The following MECOM variants were observed in gnomAD, a reference collection of about 807,000 sequenced individuals.
The protein encoded by MECOM is MDS1 and EVI1 complex locus, also known as histone-lysine N-methyltransferase MECOM.
A neutral mutation model predicts 116.3 loss-of-function variants in MECOM; 13 were observed. The observed-to-expected ratio is 0.11, with a 90% CI of 0.07 to 0.18. The LOEUF is 0.18. MECOM is among the 10% of genes least tolerant of loss of function. The probability of loss-of-function intolerance (pLI) is 1.00; values close to 1 mark genes in which losing one functional copy is unlikely to be tolerated. For missense variants in MECOM, 1,299 were observed against 1,509.0 expected, an observed-to-expected ratio of 0.86 and a Z score of 2.31; for synonymous variants, 528 against 535.2, an observed-to-expected ratio of 0.99 and a Z score of 0.19.
chr3:169,172,129 A>C (rs989219694), intron 2 of MECOM, among the ~76,000 whole-genome samples: 1 of 147,438 alleles, frequency 6.8e-6, no homozygotes, highest in Non-Finnish European at 1.5e-5. Context: ...ATATGAAAAA[A>C]TACCAAAAAA....
chr3:169,209,770 T>C (rs1016555325), intron 2 of MECOM, among the ~76,000 whole-genome samples: 1 of 152,180 alleles, frequency 6.6e-6, no homozygotes, highest in Non-Finnish European at 1.5e-5. Flanking sequence ...TGTAAATTAG[T>C]GTAATCATCG....
At chr3:169,355,297 C>T (rs896576167) in intron 2 of MECOM, among the ~76,000 whole-genome samples, 9 of 151,934 alleles carry the variant, frequency 5.9e-5, no homozygotes, top group African/African-American at 2.2e-4. Flanking sequence ...TTTGCAAAAT[C>T]ACAGAACAGT....
At chr3:169,150,984 T>C (rs1483438285) in intron 2 of MECOM, among the ~76,000 whole-genome samples, 1 of 152,234 alleles carries the variant, frequency 6.6e-6, no homozygotes, top group African/African-American at 2.4e-5. Context: ...GGCCACTGGC[T>C]CTGCCTTCAT....
chr3:169,207,531 G>T (rs1750101248), intron 2 of MECOM, among the ~76,000 whole-genome samples: 1 of 152,112 alleles, frequency 6.6e-6, no homozygotes, highest in Admixed American at 6.6e-5. Flanking sequence ...TCAGAATCCT[G>T]GTGGTACAGG....
At chr3:169,212,682 A>G (rs1051828994) in intron 2 of MECOM, among the ~76,000 whole-genome samples, 2 of 128,118 alleles carry the variant, frequency 1.6e-5, no homozygotes, top group Non-Finnish European at 3.3e-5. Flanking sequence ...ATATATATAT[A>G]TATGCAACAA....
At chr3:169,237,739 A>G (rs1034997648) in intron 2 of MECOM, among the ~76,000 whole-genome samples, 8 of 152,166 alleles carry the variant, frequency 5.3e-5, no homozygotes, top group African/African-American at 1.9e-4. Flanking sequence ...GCAAAAATCT[A>G]AAGTAAATAT....
At chr3:169,642,930 A>G (rs1197603838) in intron 1 of MECOM, among the ~76,000 whole-genome samples, 1 of 152,176 alleles carries the variant, frequency 6.6e-6, no homozygotes, top group African/African-American at 2.4e-5. Context: ...TGAAATTATC[A>G]GGAGAATGAA....
At chr3:169,457,135 C>T (rs1223953733) in intron 1 of MECOM, among the ~76,000 whole-genome samples, 2 of 152,150 alleles carry the variant, frequency 1.3e-5, no homozygotes. Context: ...CAGCTAAAAC[C>T]AGCTCCCCTG....
intron 1 of MECOM, among the ~76,000 whole-genome samples, chr3:169,659,090 AAGAAAG>A (rs1775909703): frequency 3.3e-5 from 5 of 151,690 alleles, no homozygotes; most frequent in South Asian, 2.1e-4. Context: ...AAAAAAAAAA[AAGAAAG>A]AGAAAGAAAG....
chr3:169,285,730 G>T (rs745721348), intron 2 of MECOM, among the ~76,000 whole-genome samples: 1 of 152,130 alleles, frequency 6.6e-6, no homozygotes, highest in African/African-American at 2.4e-5. Context: ...TGCACAATCC[G>T]TAACAAAGTC....
At chr3:169,520,982 G>A (rs781706707) in intron 1 of MECOM, among the ~76,000 whole-genome samples, 4 of 152,168 alleles carry the variant, frequency 2.6e-5, no homozygotes, top group Admixed American at 6.5e-5. Flanking sequence ...TGAAATTAAA[G>A]CATATACACA....
At position 169,661,313 on chromosome 3, in the gene MECOM, C is replaced by CCA. The variant is rs1176218096; in HGVS notation, c.37+2021_37+2022dup. 6.1e-5 allele frequency among the ~76,000 whole-genome samples: 9 copies of CCA among 146,566 alleles called. No homozygotes were observed. In the South Asian group the frequency reaches 1.1e-3, roughly 18 times the overall value. On this transcript the variant is annotated intron_variant, in intron 1 of 16. Transcript: ENST00000651503. ...ATCCCACTCCCGCCAACTCCCCCCC[C>CCA]CACACACACACTCTCTCTCTCTCCC...
chr3:169,644,293 G>A (rs1006642252), intron 1 of MECOM, among the ~76,000 whole-genome samples: 1 of 151,808 alleles, frequency 6.6e-6, no homozygotes, highest in Non-Finnish European at 1.5e-5. Flanking sequence ...GTCTCACTCT[G>A]TCGCCCAGGC....
rs868548673 is a variant in MECOM, at chr3:169,143,840, G to A, written c.376-8C>T. ...GTAAAATTCGTCTAAGATCTGGAGG[G>A]AAGAAGATGAGAACAATCAATTGCC... On this transcript the variant is annotated splice_region_variant and splice_polypyrimidine_tract_variant and intron_variant, in intron 2 of 16. Coordinates refer to ENST00000651503, the MANE Select transcript of MECOM (RefSeq NM_004991.4). 6.3e-7 allele frequency: 1 copy of A among 1,592,410 alleles called. No individual in the cohort carries two copies. The highest frequency in any genetic ancestry group is 1.1e-5 in the South Asian group (1 of 87,446).
chr3:169,308,638 T>G (rs927161759), intron 2 of MECOM, among the ~76,000 whole-genome samples: 25 of 152,250 alleles, frequency 1.6e-4, no homozygotes, highest in African/African-American at 5.5e-4. Flanking sequence ...AATCGTCACT[T>G]AAGAATTTTG....
intron 7 of MECOM, 27 bp from the exon 8 acceptor site, chr3:169,116,766 T>C (rs1012379620): frequency 1.3e-6 from 2 of 1,547,670 alleles, no homozygotes; most frequent in African/African-American, 1.4e-5. Flanking sequence ...AAAAAGAATC[T>C]CAGGCTTTAT....
intron 1 of MECOM, among the ~76,000 whole-genome samples, chr3:169,467,746 T>A (rs1164098531): frequency 2.0e-5 from 3 of 152,184 alleles, no homozygotes; most frequent in African/African-American, 7.2e-5. Context: ...TAAGTCTAGT[T>A]AATTTAGTTA....
chr3:169,463,912 A>T (rs1226599474), intron 1 of MECOM: 1 of 152,152 alleles, frequency 6.6e-6, no homozygotes, highest in East Asian at 1.9e-4. Context: ...ACTGCAAAAA[A>T]ATTTTTTTTA....
intron 2 of MECOM, among the ~76,000 whole-genome samples, chr3:169,208,390 T>C (rs1171868128): frequency 1.3e-5 from 2 of 150,968 alleles, no homozygotes; most frequent in African/African-American, 4.9e-5. Flanking sequence ...TTGTGTGAAA[T>C]GCCTTCACTC....
Sources: allele counts gnomAD v4.1 joint callset (sites outside exome capture counted in the v4.1 genomes callset), GRCh38; gene constraint gnomAD v4.1.1; transcripts MANE v1.5; gene names NCBI Gene and HGNC (gene_info 2026-07-23, HGNC 2026-07-21).